Variants in DENND5A observed in about 807,000 individuals in gnomAD.
The protein encoded by DENND5A is DENN domain-containing protein 5A.
A neutral mutation model predicts 140.3 loss-of-function variants in DENND5A; 64 were observed. The observed-to-expected ratio is 0.46, with a 90% CI of 0.37 to 0.56. The LOEUF is 0.56. DENND5A is among the 20% of genes least tolerant of loss of function. The pLI is 0.00. For synonymous variants in DENND5A, 605 were observed against 607.7 expected (o/e 1.00, Z 0.07); for missense variants, 1,292 against 1,593.8 (o/e 0.81, Z 3.22).
At chr11:9,254,963 C>T (rs1261498929) in intron 1 of DENND5A, among the ~76,000 whole-genome samples, 1 of 151,746 alleles carries the variant, frequency 6.6e-6, no homozygotes, top group East Asian at 1.9e-4. Flanking sequence ...CCCAGCTACT[C>T]GGGAGGCTGA....
At chr11:9,155,006 G>A (rs532850471) in intron 12 of DENND5A, among the ~76,000 whole-genome samples, 32 of 152,060 alleles carry the variant, frequency 2.1e-4, no homozygotes, top group African/African-American at 6.5e-4. Context: ...AAAATTAGGC[G>A]CGCATGGTGA....
chr11:9,206,773 A>G lies in DENND5A; in HGVS notation c.191T>C (p.Phe64Ser). 3 of 1,611,562 alleles carry G rather than the reference A, an allele frequency of 1.9e-6. No homozygotes were observed. The highest frequency in any genetic ancestry group is 1.7e-6 in the Non-Finnish European group (2 of 1,177,834). ...TGTTCTTCTCAATGGTGTCTGCTCA[A>G]AATTTTCTCCTGTAAGAAAAAGAAT... Reference protein sequence around the residue: ...FISSTTEGENFEQTPLRRTFK... With the variant: ...FISSTTEGENSEQTPLRRTFK... The change falls in exon 3 of 23, where the codon TTT becomes TCT. Residue 64 changes from phenylalanine to serine, a missense_variant. Phe to Ser is a radical substitution (Grantham distance 155). Around this residue, in one of 4 missense-constraint regions of DENND5A, gnomAD observed 566 missense variants for 650.4 expected, o/e 0.87. Transcript: ENST00000328194.
chr11:9,222,025 G>A (rs1420133667), intron 1 of DENND5A, among the ~76,000 whole-genome samples: 1 of 152,122 alleles, frequency 6.6e-6, no homozygotes, highest in Non-Finnish European at 1.5e-5. Flanking sequence ...CCAAAGTGCT[G>A]GGATTACAGG....
chr11:9,177,281 A>G (rs181277548), intron 8 of DENND5A, among the ~76,000 whole-genome samples: 13 of 151,498 alleles, frequency 8.6e-5, no homozygotes, highest in South Asian at 2.1e-4. Flanking sequence ...AAGAAAGAAA[A>G]AAAAAAAAGG....
intron 1 of DENND5A, among the ~76,000 whole-genome samples, chr11:9,215,999 T>C (rs184629833): frequency 2.0e-5 from 3 of 152,328 alleles, no homozygotes; most frequent in Non-Finnish European, 4.4e-5. Flanking sequence ...AACCCATTTC[T>C]GTAACTAAAA....
chr11:9,235,636 C>T (rs1278374531), intron 1 of DENND5A, among the ~76,000 whole-genome samples: 4 of 148,816 alleles, frequency 2.7e-5, no homozygotes, highest in Admixed American at 6.8e-5. Flanking sequence ...CCAGCCTGGG[C>T]GACAGAGCAA....
chr11:9,153,497 TA>T (rs1039730464), intron 12 of DENND5A, among the ~76,000 whole-genome samples: 1 of 152,136 alleles, frequency 6.6e-6, no homozygotes, highest in South Asian at 2.1e-4. Flanking sequence ...CTAAAATATT[TA>T]AAGTTATTCC....
chr11:9,240,652 G>A (rs961119624), intron 1 of DENND5A, among the ~76,000 whole-genome samples: 27 of 151,782 alleles, frequency 1.8e-4, no homozygotes, highest in African/African-American at 6.1e-4. Context: ...AGAGTTTGCA[G>A]TGAGCTGAGA....
intron 1 of DENND5A, among the ~76,000 whole-genome samples, chr11:9,208,078 C>T (rs1849752534): frequency 6.6e-6 from 1 of 152,026 alleles, no homozygotes; most frequent in Non-Finnish European, 1.5e-5. Flanking sequence ...TCTCAGGTGT[C>T]GGGGGAACAT....
intron 20 of DENND5A, 23 bp from the exon 21 acceptor site, chr11:9,142,868 G>A (rs1042563836): frequency 1.9e-6 from 3 of 1,612,444 alleles, no homozygotes; most frequent in Middle Eastern, 3.3e-4. Flanking sequence ...ACAGGGGAGG[G>A]TGCCAGGCTT....
chr11:9,256,135 G>C (rs1046421530), intron 1 of DENND5A, among the ~76,000 whole-genome samples: 1 of 151,778 alleles, frequency 6.6e-6, no homozygotes, highest in Non-Finnish European at 1.5e-5. Context: ...AAAAAGAAGT[G>C]TACACAAATG....
intron 1 of DENND5A, among the ~76,000 whole-genome samples, chr11:9,241,062 T>C (rs1471583816): frequency 6.6e-6 from 1 of 152,178 alleles, no homozygotes; most frequent in Non-Finnish European, 1.5e-5. Flanking sequence ...TTGTGTATTC[T>C]TCCCCTCATG....
chr11:9,263,411 G>C (rs975907361), intron 1 of DENND5A, among the ~76,000 whole-genome samples: 1 of 151,238 alleles, frequency 6.6e-6, no homozygotes, highest in Non-Finnish European at 1.5e-5. Context: ...AGTAGAGACG[G>C]GGGTTTCACC....
At chr11:9,225,814 G>A (rs180922005) in intron 1 of DENND5A, among the ~76,000 whole-genome samples, 10 of 151,970 alleles carry the variant, frequency 6.6e-5, no homozygotes, top group East Asian at 3.9e-4. Context: ...GCCAGGTGCC[G>A]TGGTTCATGC....
intron 1 of DENND5A, among the ~76,000 whole-genome samples, chr11:9,224,150 C>G (rs1455781623): frequency 6.6e-6 from 1 of 152,036 alleles, no homozygotes; most frequent in East Asian, 1.9e-4. Context: ...GCCGAGATCA[C>G]GCCATTCACT....
chr11:9,144,430 G>A, intron 18 of DENND5A, 152 bp from the exon 19 acceptor site: 1 of 788,910 alleles, frequency 1.3e-6, no homozygotes, highest in Non-Finnish European at 2.0e-6. Flanking sequence ...TATCATCAGA[G>A]AATCACCCTG....
At chr11:9,196,993 T>C (rs1356709771) in intron 4 of DENND5A, among the ~76,000 whole-genome samples, 2 of 151,620 alleles carry the variant, frequency 1.3e-5, no homozygotes, top group East Asian at 3.9e-4. Flanking sequence ...ACACATATAT[T>C]CAACACCTAA....
At position 9,193,632 on chromosome 11, in the gene DENND5A, A is replaced by G; in HGVS notation, c.999T>C (p.Phe333=). 2 of 1,614,082 alleles carry G rather than the reference A, an allele frequency of 1.2e-6. No individual in the cohort carries two copies. The highest frequency in any genetic ancestry group is 1.7e-6 in the Non-Finnish European group (2 of 1,179,988). ...TVAETITALM[F]PFQWQHVYVP... is the part of the protein sequence containing the mutation. Reference sequence around the variant, plus strand: ...CATAGACATGCTGCCACTGGAAAGGAAACATGAGAGCTGTAATCGTCTCCG... The same window carrying G: ...CATAGACATGCTGCCACTGGAAAGGGAACATGAGAGCTGTAATCGTCTCCG... Residue 333 remains phenylalanine (F), a synonymous_variant, in exon 5 of 23, where the codon TTT becomes TTC. Transcript: ENST00000328194.
intron 21 of DENND5A, 106 bp downstream of exon 21, chr11:9,142,616 C>A: frequency 7.2e-7 from 1 of 1,393,570 alleles, no homozygotes; most frequent in South Asian, 1.4e-5. Context: ...TGAGAGTCAC[C>A]TAATTTGGGT....
Sources: gnomAD v4.1 joint callset for allele counts (sites outside exome capture counted in the v4.1 genomes callset) on GRCh38, gnomAD v4.1.1 for gene constraint, gnomAD v4.1.1 regional missense constraint, MANE v1.5 for transcripts, NCBI Gene and HGNC (gene_info 2026-07-23, HGNC 2026-07-21) for gene names.